CNST: variants seen among roughly 807,000 people sequenced by gnomAD.
CNST encodes consortin.
CNST carries 39 observed loss-of-function variants against 72.4 expected under a neutral mutation model. The ratio of observed to expected loss-of-function variants is 0.54; its 90% CI spans 0.42 to 0.70. CNST has a LOEUF of 0.70. CNST is among the 30% of genes least tolerant of loss of function. CNST has a pLI of 0.00. For missense variants in CNST, 871 were observed against 868.5 expected (o/e 1.00, Z -0.04); for synonymous variants, 332 against 320.1 (o/e 1.04, Z -0.40).
Position 246,648,027 on chromosome 1 carries a change from A to G in CNST, c.1826A>G (p.Glu609Gly). ...LSLDDLAKRI[E>G]IAEVVPTEGL... ...CTTGATGATCTTGCCAAAAGGATAGAGATTGCAGAGGTAAATCAGAGATGA... is the reference window on the plus strand; with the variant it reads ...CTTGATGATCTTGCCAAAAGGATAGGGATTGCAGAGGTAAATCAGAGATGA... The change falls in exon 9 of 11, where the codon GAG (glutamate) becomes GGG (glycine). Residue 609 changes from glutamate (E) to glycine (G), a missense_variant. Glu to Gly is a moderately conservative substitution (Grantham distance 98). Transcript: ENST00000366513. The G allele has an allele frequency of 6.2e-7, 1 of 1,606,048 alleles. No individual in the cohort carries two copies. Among genetic ancestry groups the G allele is most frequent in the Non-Finnish European group, 8.5e-7 (1 of 1,176,818 alleles).
intron 1 of CNST, among the ~76,000 whole-genome samples, chr1:246,578,812 G>A (rs1379048785): frequency 6.6e-6 from 1 of 152,100 alleles, no homozygotes; most frequent in East Asian, 1.9e-4. Flanking sequence ...TATGGAATCT[G>A]CCCTACATAC....
chr1:246,657,874 G>A (rs555774703), intron 9 of CNST, among the ~76,000 whole-genome samples: 7 of 152,172 alleles, frequency 4.6e-5, no homozygotes, highest in South Asian at 2.1e-4. Flanking sequence ...GCTTGTATCC[G>A]TTTCTTGAAT....
rs1028768735 is a variant in CNST, at chr1:246,667,323, A to C, written c.*1418A>C. ...TGAATCTTAAAGGGCTTTTTATATC[A>C]GTTGAAAGTGTGTTACTGCGCATGC... On this transcript the variant is annotated 3_prime_UTR_variant, in exon 11 of 11. Transcript: ENST00000366513. 6.6e-6 allele frequency: 1 copy of C among 152,136 alleles called. No individual in the cohort carries two copies. Among genetic ancestry groups the C allele is most frequent in the Non-Finnish European group, 1.5e-5 (1 of 68,036 alleles). The allele number at this position is 152,136 out of a possible 1,614,324, so 9.4% of individuals were successfully genotyped here.
At chr1:246,664,699 T>A (rs950771301) in intron 10 of CNST, among the ~76,000 whole-genome samples, 1 of 152,162 alleles carries the variant, frequency 6.6e-6, no homozygotes, top group African/African-American at 2.4e-5. Flanking sequence ...GTGCTGGGAT[T>A]ACAGGCGTGA....
At chr1:246,645,921 G>A (rs965026162) in intron 8 of CNST, among the ~76,000 whole-genome samples, 5 of 152,142 alleles carry the variant, frequency 3.3e-5, no homozygotes, top group Non-Finnish European at 5.9e-5. Context: ...AGAGATGTCA[G>A]AATTCAAACC....
chr1:246,635,173 T>C (rs546019891), intron 6 of CNST, among the ~76,000 whole-genome samples: 32 of 152,130 alleles, frequency 2.1e-4, no homozygotes, highest in South Asian at 6.2e-4. Flanking sequence ...CCATAACTAC[T>C]TCAGGTGTGA....
At chr1:246,631,807 G>C in intron 3 of CNST, 87 bp from the exon 4 acceptor site, 1 of 865,612 alleles carries the variant, frequency 1.2e-6, no homozygotes, top group Non-Finnish European at 1.9e-6. Flanking sequence ...AAAACATTTG[G>C]AATTTCAAGA....
At position 246,591,542 on chromosome 1, in the gene CNST, G is replaced by C; in HGVS notation, c.-21G>C. 6.2e-7 allele frequency: 1 copy of C among 1,613,414 alleles called. No individual in the cohort carries two copies. Among genetic ancestry groups the C allele is most frequent in the Non-Finnish European group, 8.5e-7 (1 of 1,179,538 alleles). Reference sequence around the variant, plus strand: ...GAAGGTCTTTAATGTAACTTTAAATGGTTCACCAAAGGATGCTCTAATGGA... The same window carrying C: ...GAAGGTCTTTAATGTAACTTTAAATCGTTCACCAAAGGATGCTCTAATGGA... On this transcript the variant is annotated 5_prime_UTR_variant, in exon 2 of 11. The change abolishes an upstream ATG in the 5' untranslated region. Coordinates refer to ENST00000366513, the MANE Select transcript of CNST (RefSeq NM_152609.3).
intron 3 of CNST, among the ~76,000 whole-genome samples, chr1:246,629,411 A>AG (rs1453352670): frequency 6.6e-6 from 1 of 151,714 alleles, no homozygotes; most frequent in East Asian, 1.9e-4. Context: ...TTTACTTTTG[A>AG]GGCACTGGGT....
intron 1 of CNST, among the ~76,000 whole-genome samples, chr1:246,588,914 T>C (rs2103022160): frequency 6.6e-6 from 1 of 152,192 alleles, no homozygotes; most frequent in Admixed American, 6.5e-5. Context: ...AGTAACTGAA[T>C]TGATGTCCAT....
intron 1 of CNST, 84 bp from the exon 2 acceptor site, chr1:246,591,428 C>T: frequency 1.0e-6 from 1 of 987,002 alleles, no homozygotes; most frequent in Non-Finnish European, 1.5e-6. Flanking sequence ...AATGAAACAA[C>T]CTAAGAGAAG....
At chr1:246,567,132 T>C (rs1305868771) in intron 1 of CNST, among the ~76,000 whole-genome samples, 3 of 151,528 alleles carry the variant, frequency 2.0e-5, no homozygotes, top group African/African-American at 7.3e-5. Flanking sequence ...ATATTTTCCT[T>C]AATTTTTTCA....
chr1:246,607,531 G>C (rs1403866623), intron 2 of CNST: 2 of 154,230 alleles, frequency 1.3e-5, no homozygotes, highest in Non-Finnish European at 2.9e-5. Context: ...AGAGCGCCTG[G>C]GTGCAGACGG....
At chr1:246,575,624 A>G (rs538571070) in intron 1 of CNST, among the ~76,000 whole-genome samples, 216 of 151,934 alleles carry the variant, frequency 1.4e-3, no homozygotes, top group African/African-American at 3.5e-3. Flanking sequence ...GGCAGGGGGG[A>G]TCTTTTCGGG....
chr1:246,630,799 G>A (rs1002882834), intron 3 of CNST, among the ~76,000 whole-genome samples: 2 of 152,216 alleles, frequency 1.3e-5, no homozygotes, highest in Non-Finnish European at 2.9e-5. Flanking sequence ...AGGCTGGAGT[G>A]CAATGGCATG....
At chr1:246,661,419 G>A (rs1667098403) in intron 10 of CNST, among the ~76,000 whole-genome samples, 3 of 152,174 alleles carry the variant, frequency 2.0e-5, no homozygotes, top group Non-Finnish European at 2.9e-5. Flanking sequence ...TGCCCGGCTT[G>A]TCTTCTTTTC....
Position 246,634,470 on chromosome 1 carries a change from T to G in CNST, c.704-3T>G. ...CAGTGACTAACAAATACTTTAAATT[T>G]AGAAACAAAATGGAAAACTGTGCAA... On this transcript the variant is annotated splice_polypyrimidine_tract_variant and splice_region_variant and intron_variant, in intron 5 of 10. Coordinates refer to ENST00000366513, the MANE Select transcript of CNST (RefSeq NM_152609.3). 6.4e-7 allele frequency: 1 copy of G among 1,554,728 alleles called. No homozygotes were observed. The highest frequency in any genetic ancestry group is 8.7e-7 in the Non-Finnish European group (1 of 1,153,210).
chr1:246,657,818 C>T (rs923434599), intron 9 of CNST, among the ~76,000 whole-genome samples: 20 of 152,176 alleles, frequency 1.3e-4, no homozygotes, highest in Non-Finnish European at 2.5e-4. Context: ...GCTTCTCTTC[C>T]TCTGTCAACA....
At chr1:246,663,157 C>T (rs922747466) in intron 10 of CNST, among the ~76,000 whole-genome samples, 4 of 151,852 alleles carry the variant, frequency 2.6e-5, no homozygotes, top group Non-Finnish European at 2.9e-5. Flanking sequence ...AGTTGGAGAC[C>T]AGCCTGGGCA....
Sources: allele counts gnomAD v4.1 joint callset (sites outside exome capture counted in the v4.1 genomes callset), GRCh38; gene constraint gnomAD v4.1.1; transcripts MANE v1.5; gene names NCBI Gene and HGNC (gene_info 2026-07-23, HGNC 2026-07-21).